SMIM35: variants seen among roughly 807,000 people sequenced by gnomAD.
The protein encoded by SMIM35 is small integral membrane protein 35.
At chr11:118,021,047 G>GTTTTTTTTTTTTTTTTTTTTTTTTTTT (rs367714265) in intron 1 of SMIM35, among the ~76,000 whole-genome samples, 8 of 140,830 alleles carry the variant, frequency 5.7e-5, no homozygotes, top group African/African-American at 1.8e-4. Flanking sequence ...ACAGGGTAAG[G>GTTTTTTTTTTTTTTTTTTTTTTTTTTT]TTTTTTTTTT....
At chr11:118,048,918 C>T (rs1442377734) in intron 1 of SMIM35, among the ~76,000 whole-genome samples, 1 of 112,222 alleles carries the variant, frequency 8.9e-6, no homozygotes, top group East Asian at 2.5e-4. Flanking sequence ...CCTGCAGCCT[C>T]ATGCCTATCG....
intron 1 of SMIM35, among the ~76,000 whole-genome samples, chr11:118,071,766 C>T (rs762978095): frequency 1.1e-4 from 17 of 152,178 alleles, no homozygotes; most frequent in Non-Finnish European, 2.1e-4. Flanking sequence ...AGCCTCTACC[C>T]ACTCCTGAGT....
chr11:118,071,486 G>A (rs1944570323), intron 1 of SMIM35, among the ~76,000 whole-genome samples: 1 of 152,158 alleles, frequency 6.6e-6, no homozygotes, highest in Non-Finnish European at 1.5e-5. Flanking sequence ...GTTGGCCCCT[G>A]TAAAAAAGAC....
Position 118,051,025 on chromosome 11 carries a change from A to G in SMIM35, c.8-35216T>C, listed in dbSNP as rs143278656. 3.5e-3 allele frequency among the ~76,000 whole-genome samples: 533 copies of G among 152,334 alleles called. 2 individuals carry two copies. Among genetic ancestry groups the G allele is most frequent in the African/African-American group, 0.012 (507 of 41,564 alleles). Reference sequence around the variant, plus strand: ...TCCTTTAGTAAAGCAGGAGAGACAGAAGGGATTGCTCTGGGCTTTTGTGAA... The same window carrying G: ...TCCTTTAGTAAAGCAGGAGAGACAGGAGGGATTGCTCTGGGCTTTTGTGAA... On this transcript the variant is annotated intron_variant, in intron 1 of 4. Transcript: ENST00000689828.
intron 1 of SMIM35, among the ~76,000 whole-genome samples, chr11:118,062,540 G>A (rs533844536): frequency 1.3e-5 from 2 of 152,274 alleles, no homozygotes; most frequent in Admixed American, 6.5e-5. Context: ...GGAGACAGGT[G>A]GTTCACTTGG....
chr11:118,044,350 T>A (rs1465376221), intron 1 of SMIM35, among the ~76,000 whole-genome samples: 2 of 147,710 alleles, frequency 1.4e-5, no homozygotes, highest in African/African-American at 5.0e-5. Context: ...CGTGAGTACG[T>A]GCCAAGCAGC....
intron 1 of SMIM35, among the ~76,000 whole-genome samples, chr11:118,061,848 C>CTTTTG: frequency 6.6e-6 from 1 of 152,194 alleles, no homozygotes; most frequent in Admixed American, 6.5e-5. Flanking sequence ...CCAACCCTCC[C>CTTTTG]TGCTCAAGGG....
At chr11:118,037,696 C>T (rs1943928593) in intron 1 of SMIM35, among the ~76,000 whole-genome samples, 1 of 152,192 alleles carries the variant, frequency 6.6e-6, no homozygotes, top group South Asian at 2.1e-4. Context: ...AGTCGGCGAC[C>T]TGTTCCATGT....
At chr11:118,080,482 G>T (rs963873071) in intron 1 of SMIM35, among the ~76,000 whole-genome samples, 7 of 152,164 alleles carry the variant, frequency 4.6e-5, no homozygotes, top group Non-Finnish European at 8.8e-5. Context: ...GCCTGACCCT[G>T]GGGGTCAAGC....
intron 1 of SMIM35, among the ~76,000 whole-genome samples, chr11:118,079,246 C>T (rs543870249): frequency 6.6e-6 from 1 of 152,146 alleles, no homozygotes; most frequent in South Asian, 2.1e-4. Context: ...ACAGCCATAG[C>T]TCCCAGCCCT....
At chr11:118,032,351 T>C (rs1033583361) in intron 1 of SMIM35, among the ~76,000 whole-genome samples, 3 of 152,188 alleles carry the variant, frequency 2.0e-5, no homozygotes, top group African/African-American at 7.2e-5. Context: ...AGGAAATACA[T>C]TCTAGAGTAA....
intron 1 of SMIM35, chr11:118,028,640 A>G (rs554646002): frequency 8.6e-6 from 2 of 233,594 alleles, no homozygotes; most frequent in South Asian, 1.0e-4. Context: ...AAAGAAGAAA[A>G]TTGGCATAAA....
At chr11:118,062,947 G>A (rs1944414344) in intron 1 of SMIM35, among the ~76,000 whole-genome samples, 1 of 152,088 alleles carries the variant, frequency 6.6e-6, no homozygotes, top group Non-Finnish European at 1.5e-5. Flanking sequence ...TAAAGGAGCT[G>A]GCCAAAACCC....
chr11:118,008,255 C>A (rs1168496714), intron 4 of SMIM35, among the ~76,000 whole-genome samples: 4 of 152,218 alleles, frequency 2.6e-5, no homozygotes, highest in African/African-American at 7.2e-5. Flanking sequence ...ATTCACCAGG[C>A]CACTGGCTTC....
intron 1 of SMIM35, among the ~76,000 whole-genome samples, chr11:118,030,358 C>T (rs1432148966): frequency 6.6e-6 from 1 of 152,090 alleles, no homozygotes; most frequent in Non-Finnish European, 1.5e-5. Context: ...ATGTTGGGCT[C>T]AGGCTTCTTC....
At chr11:118,034,930 A>T (rs1180989181) in intron 1 of SMIM35, among the ~76,000 whole-genome samples, 1 of 151,646 alleles carries the variant, frequency 6.6e-6, no homozygotes, top group African/African-American at 2.4e-5. Context: ...GGTTATGAAT[A>T]TAAGTGGTGA....
At chr11:118,078,396 C>T (rs1007887797) in intron 1 of SMIM35, among the ~76,000 whole-genome samples, 1 of 152,070 alleles carries the variant, frequency 6.6e-6, no homozygotes, top group East Asian at 1.9e-4. Flanking sequence ...CTGCAGGGGC[C>T]CCTCGAGTGA....
At chr11:118,048,723 A>AG (rs1313452333) in intron 1 of SMIM35, among the ~76,000 whole-genome samples, 2 of 152,004 alleles carry the variant, frequency 1.3e-5, no homozygotes, top group Non-Finnish European at 2.9e-5. Flanking sequence ...GGGGAAAAAA[A>AG]CAACAGAAAA....
At chr11:118,023,663 G>T (rs960722002) in intron 1 of SMIM35, among the ~76,000 whole-genome samples, 1 of 151,950 alleles carries the variant, frequency 6.6e-6, no homozygotes, top group African/African-American at 2.4e-5. Context: ...CATCACAGAA[G>T]AAAAAAGTAG....
Sources: gnomAD v4.1 joint callset for allele counts (sites outside exome capture counted in the v4.1 genomes callset) on GRCh38, gnomAD v4.1.1 for gene constraint, MANE v1.5 for transcripts, NCBI Gene and HGNC (gene_info 2026-07-23, HGNC 2026-07-21) for gene names.